TMEM38B: variants seen among roughly 807,000 people sequenced by gnomAD.
The protein encoded by TMEM38B is transmembrane protein 38B, also known as trimeric intracellular cation channel type B.
TMEM38B carries 24 observed loss-of-function variants against 28.7 expected under a neutral mutation model. The ratio of observed to expected loss-of-function variants is 0.84; its 90% confidence interval spans 0.61 to 1.18. The LOEUF is 1.18. TMEM38B is among the 50% of genes most tolerant of loss of function. TMEM38B has a pLI of 0.00. For synonymous variants in TMEM38B, 131 were observed against 127.7 expected, an observed-to-expected ratio of 1.03 and a Z score of -0.17; for missense variants, 380 against 350.9, an observed-to-expected ratio of 1.08 and a Z score of -0.66.
intron 5 of TMEM38B, among the ~76,000 whole-genome samples, chr9:105,766,866 A>G (rs1458985374): frequency 6.6e-6 from 1 of 150,686 alleles, no homozygotes; most frequent in Non-Finnish European, 1.5e-5. Flanking sequence ...CATTAGGTAT[A>G]TCTCTTAGTG....
At chr9:105,751,966 G>A (rs1250408463) in intron 5 of TMEM38B, among the ~76,000 whole-genome samples, 1 of 152,096 alleles carries the variant, frequency 6.6e-6, no homozygotes, top group Non-Finnish European at 1.5e-5. Context: ...CGCCATTTTT[G>A]TGGTTTGGTA....
chr9:105,710,317 A>G (rs1588397642), intron 2 of TMEM38B: 2 of 675,658 alleles, frequency 3.0e-6, no homozygotes, highest in Non-Finnish European at 2.7e-6. Context: ...GGCTTCTGCT[A>G]CTCTGTGGTC....
At chr9:105,769,369 G>T (rs1156836937) in intron 5 of TMEM38B, among the ~76,000 whole-genome samples, 1 of 152,200 alleles carries the variant, frequency 6.6e-6, no homozygotes, top group East Asian at 1.9e-4. Context: ...AGGCTGGAGT[G>T]CAGTGGCATG....
At chr9:105,737,711 G>A (rs1186776523) in intron 4 of TMEM38B, among the ~76,000 whole-genome samples, 1 of 152,178 alleles carries the variant, frequency 6.6e-6, no homozygotes, top group African/African-American at 2.4e-5. Flanking sequence ...CATGTTTCAG[G>A]TGCCAAGGGG....
At position 105,705,740 on chromosome 9, in the gene TMEM38B, G is replaced by A; in HGVS notation, c.256G>A (p.Ala86Thr). The A allele has an allele frequency of 6.2e-7, 1 of 1,612,738 alleles. No individual in the cohort carries two copies. Among genetic ancestry groups the A allele is most frequent in the Non-Finnish European group, 8.5e-7 (1 of 1,179,728 alleles). The change falls in exon 2 of 6, where the codon GCA (alanine) becomes ACA (threonine). Residue 86 changes from alanine to threonine, a missense_variant. Coordinates refer to ENST00000374692, the MANE Select transcript of TMEM38B (RefSeq NM_018112.3). ...FLANHTNILLASSIWYITFFC... is the reference protein window; with the variant it reads ...FLANHTNILLTSSIWYITFFC... Reference sequence around the variant, plus strand: ...TGCAAACCACACTAACATATTACTGGCATCTTCAATCTGGTAAGCTGCCAG... The same window carrying A: ...TGCAAACCACACTAACATATTACTGACATCTTCAATCTGGTAAGCTGCCAG...
chr9:105,713,000 T>C (rs891677606), intron 2 of TMEM38B, among the ~76,000 whole-genome samples: 7 of 152,176 alleles, frequency 4.6e-5, no homozygotes, highest in African/African-American at 1.7e-4. Context: ...GCCCCCACCC[T>C]AGGCTGTGAG....
rs1835208795 is a variant in TMEM38B, at chr9:105,694,625, C to T, written c.-36C>T. On this transcript the variant is annotated 5_prime_UTR_variant, in exon 1 of 6. Coordinates refer to ENST00000374692, the MANE Select transcript of TMEM38B (RefSeq NM_018112.3). ...CCGCGCGAGCGCGGGGAACCAGTAG[C>T]CGCGGCTGCTTCGGTTGCCGCGGTC... 3 of 1,579,634 alleles carry T rather than the reference C, an allele frequency of 1.9e-6. No homozygotes were observed. Among genetic ancestry groups the T allele is most frequent in the Non-Finnish European group, 2.6e-6 (3 of 1,150,048 alleles).
intron 2 of TMEM38B, among the ~76,000 whole-genome samples, chr9:105,721,063 G>C (rs1836299925): frequency 6.6e-6 from 1 of 152,142 alleles, no homozygotes; most frequent in South Asian, 2.1e-4. Flanking sequence ...TTTATGTCCT[G>C]CACAGTGGGG....
chr9:105,713,623 G>C (rs1171379538), intron 2 of TMEM38B, among the ~76,000 whole-genome samples: 2 of 152,188 alleles, frequency 1.3e-5, no homozygotes, highest in African/African-American at 4.8e-5. Context: ...GCCTGGACAT[G>C]ATGGATGACG....
rs151032547 is a variant in TMEM38B, at chr9:105,743,021, C to T, written c.543-5052C>T. Among the ~76,000 whole-genome samples the T allele has an allele frequency of 1.6e-3, 236 of 151,994 alleles. 2 individuals carry two copies. Among genetic ancestry groups the T allele is most frequent in the African/African-American group, 5.4e-3 (225 of 41,440 alleles). ...CTGTTGGCGGTGCATTTGGTGGTCC[C>T]GCGGATCTGTTCCTTGCTTCAACAG... On this transcript the variant is annotated intron_variant, in intron 4 of 5. Coordinates refer to ENST00000374692, the MANE Select transcript of TMEM38B (RefSeq NM_018112.3).
At position 105,753,483 on chromosome 9, in the gene TMEM38B, C is replaced by T. The variant is rs376022339; in HGVS notation, c.660+5293C>T. Among the ~76,000 whole-genome samples the T allele has an allele frequency of 6.6e-5, 10 of 152,214 alleles. No individual in the cohort carries two copies. The East Asian group carries it at 9.6e-4, about 15-fold the overall frequency. On this transcript the variant is annotated intron_variant, in intron 5 of 5. Transcript: ENST00000374692. Reference sequence around the variant, plus strand: ...AGTGGACCTCTCAGTGGAAACCCTACGAGCCAGAAGAGATTGGGGGCCAAT... The same window carrying T: ...AGTGGACCTCTCAGTGGAAACCCTATGAGCCAGAAGAGATTGGGGGCCAAT...
chr9:105,726,799 CAT>C (rs1021188002), intron 4 of TMEM38B, among the ~76,000 whole-genome samples: 4 of 152,022 alleles, frequency 2.6e-5, no homozygotes, highest in Non-Finnish European at 4.4e-5. Flanking sequence ...ATTAAAATAA[CAT>C]AATTATTGAT....
At position 105,753,617 on chromosome 9, in the gene TMEM38B, G is replaced by A. The variant is rs545855983; in HGVS notation, c.660+5427G>A. Among the ~76,000 whole-genome samples, 5 of 152,280 alleles carry A rather than the reference G, an allele frequency of 3.3e-5. No homozygotes were observed. In the East Asian group the frequency reaches 5.8e-4, roughly 18 times the overall value. On this transcript the variant is annotated intron_variant, in intron 5 of 5. Transcript: ENST00000374692. The stretch of plus-strand genomic sequence containing the variant: ...GATCCTTTTCAGACAAGCAAATGCC[G>A]AGGGAATTCATGACCACCAGGCCTG...
rs572168565 is a variant in TMEM38B at position 105,712,834 on chromosome 9, C to G, written c.269+7081C>G. Among the ~76,000 whole-genome samples the G allele has an allele frequency of 1.1e-3, 172 of 152,344 alleles. 1 individual carries two copies. The highest frequency in any genetic ancestry group is 3.8e-3 in the African/African-American group (158 of 41,582). On this transcript the variant is annotated intron_variant, in intron 2 of 5. Transcript: ENST00000374692. ...ACACCCCCCACAGCCCACCAGCCACCCTTGGGGTCTCCACGATGGGGCTGG... is the reference window on the plus strand; with the variant it reads ...ACACCCCCCACAGCCCACCAGCCACGCTTGGGGTCTCCACGATGGGGCTGG...
intron 4 of TMEM38B, among the ~76,000 whole-genome samples, chr9:105,746,749 C>T (rs906380978): frequency 6.6e-6 from 1 of 152,090 alleles, no homozygotes; most frequent in Non-Finnish European, 1.5e-5. Flanking sequence ...TGAGATGCGT[C>T]CCATCAGTAC....
At chr9:105,727,938 C>T (rs957249507) in intron 4 of TMEM38B, among the ~76,000 whole-genome samples, 3 of 152,076 alleles carry the variant, frequency 2.0e-5, no homozygotes, top group Non-Finnish European at 4.4e-5. Context: ...CATGTGATGT[C>T]CTCCCTTTTT....
chr9:105,738,526 A>G (rs1333734656), intron 4 of TMEM38B, among the ~76,000 whole-genome samples: 2 of 151,956 alleles, frequency 1.3e-5, no homozygotes, highest in African/African-American at 4.8e-5. Flanking sequence ...TGTGGGGGGC[A>G]GTGCTAGGAA....
intron 4 of TMEM38B, among the ~76,000 whole-genome samples, chr9:105,736,590 C>A (rs1399085267): frequency 6.6e-6 from 1 of 152,184 alleles, no homozygotes; most frequent in African/African-American, 2.4e-5. Flanking sequence ...CCTTTTTAGG[C>A]AGTTTATAAC....
intron 5 of TMEM38B, among the ~76,000 whole-genome samples, chr9:105,762,763 G>GTA (rs985210966): frequency 8.7e-5 from 13 of 148,964 alleles, no homozygotes; most frequent in African/African-American, 2.3e-4. Flanking sequence ...AGTCCTTTGG[G>GTA]TATATACCCA....
Sources: allele counts gnomAD v4.1 joint callset (sites outside exome capture counted in the v4.1 genomes callset), GRCh38; gene constraint gnomAD v4.1.1; transcripts MANE v1.5; gene names NCBI Gene and HGNC (gene_info 2026-07-23, HGNC 2026-07-21).